The following SBSPON variants were observed in gnomAD, a reference collection of about 807,000 sequenced individuals.
SBSPON encodes somatomedin-B and thrombospondin type-1 domain-containing protein.
Under a neutral mutation model 35.8 loss-of-function variants are expected in SBSPON, and 30 were observed. The ratio of observed to expected loss-of-function variants is 0.84; its 90% confidence interval spans 0.63 to 1.14. The LOEUF is 1.14. Among genes scored for constraint, SBSPON ranks in the 50% most tolerant of loss-of-function variants. The pLI, the probability that SBSPON is intolerant of heterozygous loss-of-function variation, is 0.00. For missense variants in SBSPON, 364 were observed against 357.7 expected (o/e 1.02, Z -0.14); for synonymous variants, 136 against 135.9 (o/e 1.00, Z 0.00).
intron 3 of SBSPON, 136 bp from the exon 4 acceptor site, chr8:73,070,117 C>T (rs990530536): frequency 2.0e-5 from 11 of 539,386 alleles, no homozygotes; most frequent in African/African-American, 9.8e-5. Context: ...TCACAAGTTA[C>T]GTGTCAATCA....
intron 2 of SBSPON, 99 bp from the exon 3 acceptor site, chr8:73,071,969 A>T (rs1810501801): frequency 1.4e-6 from 1 of 729,300 alleles, no homozygotes; most frequent in South Asian, 1.5e-5. Context: ...CTCCATTCCT[A>T]AACTCACAGG....
intron 1 of SBSPON, among the ~76,000 whole-genome samples, chr8:73,088,534 C>T (rs1319961350): frequency 1.3e-5 from 2 of 152,092 alleles, no homozygotes; most frequent in Non-Finnish European, 2.9e-5. Flanking sequence ...AATAGCCAGG[C>T]TTGGCAGCAC....
At chr8:73,068,621 TG>T (rs1053449750) in intron 4 of SBSPON, among the ~76,000 whole-genome samples, 12 of 152,220 alleles carry the variant, frequency 7.9e-5, no homozygotes, top group Non-Finnish European at 1.6e-4. Flanking sequence ...AAAATGTTTT[TG>T]GAGTCAATTA....
At chr8:73,067,510 G>T in intron 4 of SBSPON, 52 bp from the exon 5 acceptor site, 1 of 1,113,378 alleles carries the variant, frequency 9.0e-7, no homozygotes, top group East Asian at 2.4e-5. Flanking sequence ...ACCGAAGAAA[G>T]GTCTAATTTA....
chr8:73,069,285 CT>C lies in SBSPON; in HGVS notation c.677+519del, dbSNP rs531454111. 5.4e-4 allele frequency among the ~76,000 whole-genome samples: 79 copies of C among 147,466 alleles called. No homozygotes were observed. The South Asian group carries it at 8.6e-3, about 16-fold the overall frequency. Reference sequence around the variant, plus strand: ...GGAATGTGATCTAAACTCCAATATCCTTTTTTTTTTTCTTCTGGAGACAGAG... The same window carrying C: ...GGAATGTGATCTAAACTCCAATATCCTTTTTTTTTTCTTCTGGAGACAGAG... On this transcript the variant is annotated intron_variant, in intron 4 of 4. Transcript: ENST00000297354.
chr8:73,068,345 T>C (rs59172797), intron 4 of SBSPON, among the ~76,000 whole-genome samples: 1,922 of 152,322 alleles, frequency 0.013, 49 homozygotes, highest in African/African-American at 0.044. Context: ...GAGGCACTAG[T>C]GACTAATAAA....
intron 1 of SBSPON, among the ~76,000 whole-genome samples, chr8:73,089,153 G>A (rs1021896511): frequency 5.3e-5 from 8 of 152,230 alleles, no homozygotes; most frequent in Admixed American, 2.0e-4. Context: ...TGCAAGTCAG[G>A]TGAGACTTTT....
At chr8:73,088,937 T>C (rs1348972070) in intron 1 of SBSPON, among the ~76,000 whole-genome samples, 2 of 152,274 alleles carry the variant, frequency 1.3e-5, no homozygotes, top group African/African-American at 2.4e-5. Context: ...AATGCTAGTA[T>C]AGGTCACCAG....
intron 2 of SBSPON, among the ~76,000 whole-genome samples, 158 bp from the exon 3 acceptor site, chr8:73,072,028 A>G (rs1016780852): frequency 1.6e-4 from 25 of 152,218 alleles, no homozygotes; most frequent in East Asian, 1.5e-3. Context: ...TACAAATTCA[A>G]TAAAGATGTG....
chr8:73,092,038 C>T (rs1810945063), intron 1 of SBSPON, among the ~76,000 whole-genome samples: 1 of 152,218 alleles, frequency 6.6e-6, no homozygotes, highest in Non-Finnish European at 1.5e-5. Flanking sequence ...CACCTTGTTC[C>T]TCAAGGCTGT....
chr8:73,070,016 A>G, intron 3 of SBSPON, 35 bp from the exon 4 acceptor site: 1 of 1,387,316 alleles, frequency 7.2e-7, no homozygotes, highest in Non-Finnish European at 9.9e-7. Flanking sequence ...CACTTGCTGT[A>G]ATGAGCAGTG....
chr8:73,067,510 G>A (rs967511829), intron 4 of SBSPON, 52 bp from the exon 5 acceptor site: 2 of 1,113,276 alleles, frequency 1.8e-6, no homozygotes, highest in African/African-American at 1.7e-5. Context: ...ACCGAAGAAA[G>A]GTCTAATTTA....
At chr8:73,082,069 G>A (rs914711643) in intron 1 of SBSPON, among the ~76,000 whole-genome samples, 6 of 152,140 alleles carry the variant, frequency 3.9e-5, no homozygotes, top group African/African-American at 1.2e-4. Flanking sequence ...TTCCCCTGAT[G>A]GACAACTAAA....
intron 1 of SBSPON, among the ~76,000 whole-genome samples, chr8:73,081,528 C>G (rs566039198): frequency 3.9e-5 from 6 of 152,238 alleles, no homozygotes; most frequent in African/African-American, 1.4e-4. Context: ...CTCATACTCC[C>G]TGGGCTGAGA....
At chr8:73,068,195 TG>T (rs1036144590) in intron 4 of SBSPON, among the ~76,000 whole-genome samples, 147 of 152,350 alleles carry the variant, frequency 9.6e-4, no homozygotes, top group African/African-American at 3.4e-3. Flanking sequence ...AAATACTATA[TG>T]GGTACAAATT....
chr8:73,085,202 A>G (rs1382433570), intron 1 of SBSPON, among the ~76,000 whole-genome samples: 1 of 152,140 alleles, frequency 6.6e-6, no homozygotes, highest in Non-Finnish European at 1.5e-5. Flanking sequence ...AATGGCCCCA[A>G]GGGTGTCCAT....
chr8:73,073,861 G>C (rs1248580927), intron 2 of SBSPON, among the ~76,000 whole-genome samples: 1 of 151,528 alleles, frequency 6.6e-6, no homozygotes, highest in Admixed American at 6.6e-5. Context: ...GCCTAATACC[G>C]GGTAGCCACT....
At chr8:73,069,654 C>T (rs551518598) in intron 4 of SBSPON, 151 bp downstream of exon 4, 6 of 646,320 alleles carry the variant, frequency 9.3e-6, no homozygotes, top group African/African-American at 5.5e-5. Context: ...TGGCCCCAGG[C>T]AGTGCCAGAG....
intron 2 of SBSPON, among the ~76,000 whole-genome samples, chr8:73,072,659 A>G (rs1399385632): frequency 6.6e-6 from 1 of 152,152 alleles, no homozygotes; most frequent in East Asian, 1.9e-4. Context: ...AAAGAGTGAA[A>G]CTCCGTCTCA....
Sources: gnomAD v4.1 joint callset for allele counts (sites outside exome capture counted in the v4.1 genomes callset) on GRCh38, gnomAD v4.1.1 for gene constraint, MANE v1.5 for transcripts, NCBI Gene and HGNC (gene_info 2026-07-23, HGNC 2026-07-21) for gene names.